CACNA2D3: variants seen among roughly 807,000 people sequenced by gnomAD.
CACNA2D3 encodes the protein calcium voltage-gated channel auxiliary subunit alpha2delta 3.
A neutral mutation model predicts 160.6 loss-of-function variants in CACNA2D3; 60 were observed. The ratio of observed to expected loss-of-function variants is 0.37; its 90% confidence interval spans 0.30 to 0.46. The LOEUF is 0.46. CACNA2D3 is among the 20% of genes least tolerant of loss of function. The pLI is 1.00. For synonymous variants in CACNA2D3, 558 were observed against 492.9 expected (o/e 1.13, Z -1.75); for missense variants, 1,205 against 1,365.0 (o/e 0.88, Z 1.85).
At chr3:54,684,223 G>A (rs1700408057) in intron 11 of CACNA2D3, among the ~76,000 whole-genome samples, 1 of 152,038 alleles carries the variant, frequency 6.6e-6, no homozygotes, top group South Asian at 2.1e-4. Flanking sequence ...GCCTCCCAAA[G>A]TGCTGGGATT....
intron 27 of CACNA2D3, among the ~76,000 whole-genome samples, chr3:54,945,859 G>A (rs1701599766): frequency 6.6e-6 from 1 of 152,222 alleles, no homozygotes; most frequent in Non-Finnish European, 1.5e-5. Context: ...GGGCAATGCA[G>A]CAAAGCTGAG....
At chr3:54,153,720 A>T (rs1342750656) in intron 2 of CACNA2D3, among the ~76,000 whole-genome samples, 2 of 152,200 alleles carry the variant, frequency 1.3e-5, no homozygotes, top group Non-Finnish European at 2.9e-5. Context: ...ATGTGTAGCA[A>T]TGGTTTTTCC....
chr3:54,275,311 G>A (rs375280029), intron 2 of CACNA2D3, among the ~76,000 whole-genome samples: 2 of 152,094 alleles, frequency 1.3e-5, no homozygotes, highest in African/African-American at 4.8e-5. Context: ...CCTCCCCTAG[G>A]CAGGGAGTAG....
intron 27 of CACNA2D3, among the ~76,000 whole-genome samples, chr3:54,964,745 A>G (rs369359979): frequency 6.6e-6 from 1 of 152,154 alleles, no homozygotes; most frequent in Non-Finnish European, 1.5e-5. Context: ...GTTTTTCTGA[A>G]TAGAGTTGGC....
At chr3:54,851,314 C>T in intron 17 of CACNA2D3, among the ~76,000 whole-genome samples, 1 of 152,134 alleles carries the variant, frequency 6.6e-6, no homozygotes, top group East Asian at 1.9e-4. Context: ...TAGCAGCAGC[C>T]TGGAGTTGAA....
chr3:54,645,827 T>A (rs991722044), intron 11 of CACNA2D3, among the ~76,000 whole-genome samples: 1 of 152,160 alleles, frequency 6.6e-6, no homozygotes, highest in Non-Finnish European at 1.5e-5. Context: ...TCATCTTCAT[T>A]CTTTGGTGAG....
intron 13 of CACNA2D3, among the ~76,000 whole-genome samples, chr3:54,767,067 G>A (rs563198560): frequency 2.6e-5 from 4 of 151,906 alleles, no homozygotes; most frequent in Admixed American, 6.6e-5. Context: ...TTAGGATATG[G>A]GAGGTGGTGC....
At chr3:54,439,464 A>G (rs574293465) in intron 4 of CACNA2D3, among the ~76,000 whole-genome samples, 3 of 152,238 alleles carry the variant, frequency 2.0e-5, no homozygotes, top group East Asian at 3.9e-4. Context: ...ACAAGCACTT[A>G]TGGCTTTCCT....
In CACNA2D3 at chr3:54,734,424, A is replaced by G. The variant is rs191592236; in HGVS notation, c.1168-18175A>G. 1.8e-3 allele frequency among the ~76,000 whole-genome samples: 277 copies of G among 152,306 alleles called. 2 individuals are homozygous for G. The highest frequency in any genetic ancestry group is 6.3e-3 in the African/African-American group (261 of 41,568). ...CAGGAAAGCTCTCAGGACTACTGCAACTTCCCTGGAAGCAGGCTTTTAGGA... is the reference window on the plus strand; with the variant it reads ...CAGGAAAGCTCTCAGGACTACTGCAGCTTCCCTGGAAGCAGGCTTTTAGGA... On this transcript the variant is annotated intron_variant, in intron 11 of 37. Transcript: ENST00000474759.
chr3:54,711,798 A>G (rs1190287925), intron 11 of CACNA2D3, among the ~76,000 whole-genome samples: 1 of 152,228 alleles, frequency 6.6e-6, no homozygotes, highest in African/African-American at 2.4e-5. Context: ...CTGCTACCAG[A>G]CCACGTAAGC....
chr3:54,821,712 C>CCTTCCTTT, intron 14 of CACNA2D3, among the ~76,000 whole-genome samples: 2 of 136,648 alleles, frequency 1.5e-5, no homozygotes, highest in South Asian at 2.5e-4. Context: ...TTCCTTCCTT[C>CCTTCCTTT]TTTCCTCTCT....
chr3:54,834,733 C>T (rs1284854829), intron 14 of CACNA2D3, among the ~76,000 whole-genome samples: 1 of 152,066 alleles, frequency 6.6e-6, no homozygotes, highest in Non-Finnish European at 1.5e-5. Flanking sequence ...TAGAGATAGG[C>T]TATACAGATA....
intron 2 of CACNA2D3, among the ~76,000 whole-genome samples, chr3:54,188,823 G>A (rs1559876478): frequency 1.3e-5 from 2 of 152,164 alleles, no homozygotes; most frequent in South Asian, 2.1e-4. Flanking sequence ...TGGCATTAGT[G>A]GTGATATTAG....
intron 23 of CACNA2D3, among the ~76,000 whole-genome samples, chr3:54,887,416 G>C (rs1216241473): frequency 6.6e-6 from 1 of 152,008 alleles, no homozygotes; most frequent in Non-Finnish European, 1.5e-5. Context: ...GACAGAGTGA[G>C]ACCGTGTCTC....
intron 4 of CACNA2D3, among the ~76,000 whole-genome samples, chr3:54,389,043 AC>A (rs1471452866): frequency 6.6e-6 from 1 of 152,156 alleles, no homozygotes; most frequent in Admixed American, 6.6e-5. Context: ...GGTGGCTCAC[AC>A]CTGTAGTCCC....
chr3:54,460,874 C>A (rs1209184514), intron 4 of CACNA2D3, among the ~76,000 whole-genome samples: 1 of 152,284 alleles, frequency 6.6e-6, no homozygotes, highest in African/African-American at 2.4e-5. Flanking sequence ...GGGAATGCTT[C>A]CAGTTTTTGC....
chr3:54,838,093 G>A (rs921940485), intron 15 of CACNA2D3, among the ~76,000 whole-genome samples: 3 of 152,060 alleles, frequency 2.0e-5, no homozygotes, highest in African/African-American at 7.2e-5. Context: ...GTCCTCAGTT[G>A]GTAAAAGTGT....
intron 11 of CACNA2D3, among the ~76,000 whole-genome samples, chr3:54,725,257 T>G (rs1394474312): frequency 6.6e-6 from 1 of 152,048 alleles, no homozygotes; most frequent in African/African-American, 2.4e-5. Context: ...GTTCCAAAAT[T>G]GAAGTGGTAA....
intron 11 of CACNA2D3, among the ~76,000 whole-genome samples, chr3:54,723,262 T>G (rs182410361): frequency 4.6e-5 from 7 of 152,208 alleles, no homozygotes; most frequent in Non-Finnish European, 2.9e-5. Flanking sequence ...AGCATCCCAT[T>G]TGGATCTCAG....
Sources: gnomAD v4.1 joint callset for allele counts (sites outside exome capture counted in the v4.1 genomes callset) on GRCh38, gnomAD v4.1.1 for gene constraint, MANE v1.5 for transcripts, NCBI Gene and HGNC (gene_info 2026-07-23, HGNC 2026-07-21) for gene names.